QTMAN: variants seen among roughly 807,000 people sequenced by gnomAD.
QTMAN encodes tRNA-queuosine alpha-mannosyltransferase.
the QTMAN span, among the ~76,000 whole-genome samples, chr2:144,307,262 C>T: frequency 7.1e-6 from 1 of 141,134 alleles, no homozygotes; most frequent in Non-Finnish European, 1.5e-5. Flanking sequence ...ATTCAACATT[C>T]ACATGCAATA....
the QTMAN span, among the ~76,000 whole-genome samples, chr2:144,186,441 A>C: frequency 6.6e-6 from 1 of 152,256 alleles, no homozygotes; most frequent in Non-Finnish European, 1.5e-5. Context: ...GACTGGAAAT[A>C]AATATGCAAA....
chr2:144,248,172 A>G, the QTMAN span, among the ~76,000 whole-genome samples: 9 of 152,366 alleles, frequency 5.9e-5, no homozygotes, highest in East Asian at 1.5e-3. Flanking sequence ...ATAGGTGACT[A>G]GTTAAATAAA....
the QTMAN span, among the ~76,000 whole-genome samples, chr2:144,120,163 T>G: frequency 6.6e-6 from 1 of 152,242 alleles, no homozygotes; most frequent in Non-Finnish European, 1.5e-5. Context: ...TAGTATGAGA[T>G]GATCTAAAAG....
chr2:144,327,945 G>GTTAT, the QTMAN span, among the ~76,000 whole-genome samples: 10 of 151,676 alleles, frequency 6.6e-5, no homozygotes, highest in East Asian at 3.9e-4. Context: ...TGCTTCTCTG[G>GTTAT]TTATTTATTT....
the QTMAN span, among the ~76,000 whole-genome samples, chr2:144,151,575 C>T: frequency 6.6e-6 from 1 of 152,238 alleles, no homozygotes; most frequent in East Asian, 1.9e-4. Flanking sequence ...GTACTGATAA[C>T]TGTCAGGGTT....
chr2:143,966,603 C>A, the QTMAN span, among the ~76,000 whole-genome samples: 1 of 152,228 alleles, frequency 6.6e-6, no homozygotes, highest in Non-Finnish European at 1.5e-5. Context: ...ATCTCACCCA[C>A]TGCGCCCAGC....
the QTMAN span, among the ~76,000 whole-genome samples, chr2:144,190,034 T>C: frequency 1.3e-5 from 2 of 152,206 alleles, no homozygotes; most frequent in African/African-American, 2.4e-5. Context: ...ACTTGGGGTT[T>C]TATCAGGGTG....
the QTMAN span, among the ~76,000 whole-genome samples, chr2:144,103,138 C>T: frequency 3.9e-5 from 6 of 152,292 alleles, no homozygotes; most frequent in East Asian, 9.6e-4. Flanking sequence ...TGAATGCTTA[C>T]CATAAGGCTA....
chr2:144,040,577 T>C, the QTMAN span, among the ~76,000 whole-genome samples: 1 of 152,040 alleles, frequency 6.6e-6, no homozygotes, highest in Non-Finnish European at 1.5e-5. Context: ...TTCATGGCCA[T>C]GAAGATAAGA....
At chr2:144,176,208 T>A in the QTMAN span, among the ~76,000 whole-genome samples, 1 of 152,162 alleles carries the variant, frequency 6.6e-6, no homozygotes, top group Non-Finnish European at 1.5e-5. Context: ...GGTTCATTAT[T>A]AATAAAACAA....
the QTMAN span, among the ~76,000 whole-genome samples, chr2:144,278,587 T>C: frequency 6.6e-6 from 1 of 151,742 alleles, no homozygotes; most frequent in Non-Finnish European, 1.5e-5. Context: ...AAGAGAAACT[T>C]GCCCAAGATG....
chr2:144,070,472 A>G, the QTMAN span, among the ~76,000 whole-genome samples: 1 of 152,158 alleles, frequency 6.6e-6, no homozygotes, highest in Admixed American at 6.5e-5. Flanking sequence ...ACAAGGACAA[A>G]GCAGGATTCC....
chr2:144,028,249 A>T, the QTMAN span, among the ~76,000 whole-genome samples: 7 of 152,224 alleles, frequency 4.6e-5, no homozygotes, highest in Non-Finnish European at 1.0e-4. Context: ...ATAACAACGT[A>T]TAGGAAAGTG....
At chr2:144,014,587 T>A in the QTMAN span, among the ~76,000 whole-genome samples, 1 of 152,110 alleles carries the variant, frequency 6.6e-6, no homozygotes, top group Non-Finnish European at 1.5e-5. Flanking sequence ...AAAGAAAATT[T>A]CTAGTTATCA....
the QTMAN span, among the ~76,000 whole-genome samples, chr2:144,183,783 T>TA: frequency 9.9e-5 from 15 of 152,192 alleles, no homozygotes; most frequent in Admixed American, 9.8e-4. Context: ...AATCCTTTTT[T>TA]AACAGGATAT....
chr2:144,158,835 G>A, the QTMAN span, among the ~76,000 whole-genome samples: 1 of 152,090 alleles, frequency 6.6e-6, no homozygotes, highest in African/African-American at 2.4e-5. Flanking sequence ...ATACATTTCA[G>A]CCTTAATATC....
chr2:144,114,515 T>C, the QTMAN span, among the ~76,000 whole-genome samples: 41 of 152,184 alleles, frequency 2.7e-4, no homozygotes, highest in Non-Finnish European at 4.7e-4. Flanking sequence ...ATGAAAAAAT[T>C]CTTTTCTTCA....
the QTMAN span, among the ~76,000 whole-genome samples, chr2:144,155,479 G>A: frequency 4.6e-5 from 7 of 152,162 alleles, no homozygotes; most frequent in Non-Finnish European, 8.8e-5. Flanking sequence ...TTAATCTATC[G>A]TACAAGACTA....
the QTMAN span, among the ~76,000 whole-genome samples, chr2:144,116,135 CATT>C: frequency 1.5e-4 from 23 of 152,092 alleles, no homozygotes; most frequent in African/African-American, 5.5e-4. Flanking sequence ...TACACCATAA[CATT>C]CTATGGTGTC....
Sources: allele counts gnomAD v4.1 joint callset (sites outside exome capture counted in the v4.1 genomes callset), GRCh38; gene constraint gnomAD v4.1.1; transcripts MANE v1.5; gene names NCBI Gene and HGNC (gene_info 2026-07-23, HGNC 2026-07-21).